The following ARHGEF3 variants were observed in gnomAD, a reference collection of about 807,000 sequenced individuals.
ARHGEF3 encodes 59.8 kDA protein.
A neutral mutation model predicts 63.2 loss-of-function variants in ARHGEF3; 28 were observed. The observed-to-expected ratio is 0.44, with a 90% CI of 0.33 to 0.61. The LOEUF (loss-of-function observed/expected upper bound fraction) is 0.61. Ranked by LOEUF, ARHGEF3 falls within the 20% of genes least tolerant of loss-of-function variation. The pLI is 0.03. For synonymous variants in ARHGEF3, 266 were observed against 254.2 expected (o/e 1.05, Z -0.44); for missense variants, 533 against 659.3 (o/e 0.81, Z 2.10).
At chr3:56,777,536 C>T (rs6445824) in intron 1 of ARHGEF3, among the ~76,000 whole-genome samples, 8 of 151,736 alleles carry the variant, frequency 5.3e-5, no homozygotes, top group African/African-American at 1.7e-4. Context: ...TTCTTCCCCT[C>T]AACAGGTAAA....
chr3:56,978,413 A>G (rs772709297), intron 2 of ARHGEF3, among the ~76,000 whole-genome samples: 6 of 152,238 alleles, frequency 3.9e-5, no homozygotes, highest in Admixed American at 6.5e-5. Context: ...TTTTGTAATA[A>G]GAAAATTTTA....
Position 56,753,495 on chromosome 3 carries a change from T to G in ARHGEF3, c.438+9A>C, listed in dbSNP as rs1457376547. The G allele has an allele frequency of 6.2e-7, 1 of 1,612,964 alleles. No individual in the cohort carries two copies. Among genetic ancestry groups the G allele is most frequent in the Non-Finnish European group, 8.5e-7 (1 of 1,179,540 alleles). On this transcript the variant is annotated intron_variant, in intron 4 of 9. Transcript: ENST00000296315. The stretch of plus-strand genomic sequence containing the variant: ...ACTTGACTCAAGTGACTGCTGGATT[T>G]AAATTTACCTTTTTTGCTAATTTCA...
chr3:56,853,564 T>C (rs1447861601), intron 4 of ARHGEF3, among the ~76,000 whole-genome samples: 1 of 152,196 alleles, frequency 6.6e-6, no homozygotes, highest in Non-Finnish European at 1.5e-5. Context: ...CTCGAACTCC[T>C]GACCTGATGA....
chr3:56,951,827 T>C (rs1395749997), intron 3 of ARHGEF3, among the ~76,000 whole-genome samples: 1 of 151,970 alleles, frequency 6.6e-6, no homozygotes, highest in African/African-American at 2.4e-5. Context: ...AATAATTTCA[T>C]ACAAAAGAAA....
rs1159985048 is a variant in ARHGEF3, at chr3:57,002,479, TTA to T, written c.62+32607_62+32608del. Among the ~76,000 whole-genome samples, 23 of 39,458 alleles carry T rather than the reference TTA, an allele frequency of 5.8e-4. 2 individuals carry two copies. Among genetic ancestry groups the T allele is most frequent in the Middle Eastern group, 0.011 (1 of 88 alleles). The allele number at this position is 39,458 out of a possible 152,430, so 25.9% of individuals were successfully genotyped here. On this transcript the variant is annotated intron_variant, in intron 2 of 12. Transcript: ENST00000338458. Reference sequence around the variant, plus strand: ...TCTAAGCACTATATATATATATATGTTATATATATATATATATGTTATATATA... The same window carrying T: ...TCTAAGCACTATATATATATATATGTTATATATATATATATGTTATATATA...
At chr3:56,928,984 G>A (rs1295854209) in intron 3 of ARHGEF3, among the ~76,000 whole-genome samples, 1 of 152,052 alleles carries the variant, frequency 6.6e-6, no homozygotes, top group Non-Finnish European at 1.5e-5. Flanking sequence ...AGGATATAGC[G>A]ACCTTGCTGC....
intron 3 of ARHGEF3, among the ~76,000 whole-genome samples, chr3:56,929,900 G>A (rs971509743): frequency 6.6e-6 from 1 of 152,128 alleles, no homozygotes; most frequent in African/African-American, 2.4e-5. Flanking sequence ...TAGATCCTCT[G>A]AGGTATAAAA....
chr3:56,916,390 T>C, intron 3 of ARHGEF3: 1 of 1,531,510 alleles, frequency 6.5e-7, no homozygotes, highest in Non-Finnish European at 8.7e-7. Flanking sequence ...CTAACTGCAG[T>C]GGAGCCCTGT....
chr3:56,750,956 T>TA (rs1291932435), intron 6 of ARHGEF3, 100 bp downstream of exon 6: 70 of 865,016 alleles, frequency 8.1e-5, no homozygotes, highest in Non-Finnish European at 4.8e-6. Flanking sequence ...CCAACATTTG[T>TA]AAAAAAATAA....
intron 2 of ARHGEF3, among the ~76,000 whole-genome samples, chr3:56,981,687 C>A (rs1317276044): frequency 6.6e-6 from 1 of 152,224 alleles, no homozygotes; most frequent in African/African-American, 2.4e-5. Flanking sequence ...TGACCACCCT[C>A]ATTTAGGGAC....
rs1303122326 is a variant in ARHGEF3, at chr3:56,728,574, T to G, written c.*696A>C. On this transcript the variant is annotated 3_prime_UTR_variant, in exon 10 of 10. Coordinates refer to ENST00000296315, the MANE Select transcript of ARHGEF3 (RefSeq NM_019555.3). The stretch of plus-strand genomic sequence containing the variant: ...CTCCTGGTGCCATGTGCATTTCAGT[T>G]AAAGATTCAGAGCTGGCAGCCGCTT... The G allele has an allele frequency of 6.5e-6, 1 of 152,674 alleles. No homozygotes were observed. Among genetic ancestry groups the G allele is most frequent in the African/African-American group, 2.4e-5 (1 of 41,450 alleles). 9.5% of individuals were successfully genotyped at this position (152,674 alleles called of 1,614,324 possible). A position where few individuals can be genotyped will look rare whatever the true frequency, so the allele number is the denominator to read the frequency against.
At chr3:56,973,056 G>A (rs1252644932) in intron 2 of ARHGEF3, among the ~76,000 whole-genome samples, 11 of 150,242 alleles carry the variant, frequency 7.3e-5, no homozygotes, top group African/African-American at 2.2e-4. Flanking sequence ...TCGCTCTGTC[G>A]CCCAGGCTGG....
intron 8 of ARHGEF3, among the ~76,000 whole-genome samples, chr3:56,734,834 CT>C (rs2107693090): frequency 6.6e-6 from 1 of 152,158 alleles, no homozygotes; most frequent in African/African-American, 2.4e-5. Flanking sequence ...AAGTTAAAGG[CT>C]TTTTGGTGTG....
chr3:57,058,347 A>G (rs1425486056), intron 1 of ARHGEF3, among the ~76,000 whole-genome samples: 2 of 152,210 alleles, frequency 1.3e-5, no homozygotes, highest in Non-Finnish European at 2.9e-5. Context: ...ACATTGGACA[A>G]AACTGTCATA....
chr3:56,913,651 T>C (rs969942057), intron 3 of ARHGEF3, among the ~76,000 whole-genome samples: 1 of 152,206 alleles, frequency 6.6e-6, no homozygotes, highest in Non-Finnish European at 1.5e-5. Context: ...CAATTCTACT[T>C]CTGGGTATAT....
chr3:56,753,440 G>A (rs535145365), intron 4 of ARHGEF3, 64 bp downstream of exon 4: 1 of 1,409,568 alleles, frequency 7.1e-7, no homozygotes, highest in African/African-American at 1.4e-5. Flanking sequence ...CCACTTTAGG[G>A]TTGTGAAATT....
intron 1 of ARHGEF3, among the ~76,000 whole-genome samples, chr3:56,785,599 C>T (rs555407584): frequency 6.6e-6 from 1 of 152,366 alleles, no homozygotes; most frequent in African/African-American, 2.4e-5. Flanking sequence ...AAAGTCCTCT[C>T]TCTTTCTCAT....
rs190574429 is a variant in ARHGEF3 at position 56,907,442 on chromosome 3, C to A, written c.130-25088G>T. Among the ~76,000 whole-genome samples the A allele has an allele frequency of 1.7e-4, 26 of 152,234 alleles. No individual in the cohort carries two copies. The East Asian group carries it at 4.8e-3, about 28-fold the overall frequency. ...CAACCATTATGGAAATCAGTGTGGCCATTCCTGAAAGACCTAAATAATAAT... is the reference window on the plus strand; with the variant it reads ...CAACCATTATGGAAATCAGTGTGGCAATTCCTGAAAGACCTAAATAATAAT... On this transcript the variant is annotated intron_variant, in intron 3 of 12. Transcript: ENST00000338458.
chr3:56,741,495 TC>T (rs2034024878), intron 7 of ARHGEF3, among the ~76,000 whole-genome samples: 3 of 127,934 alleles, frequency 2.3e-5, no homozygotes, highest in Non-Finnish European at 3.2e-5. Flanking sequence ...CTACATTGGT[TC>T]TTTTTTTTTT....
Sources: gnomAD v4.1 joint callset for allele counts (sites outside exome capture counted in the v4.1 genomes callset) on GRCh38, gnomAD v4.1.1 for gene constraint, MANE v1.5 for transcripts, NCBI Gene and HGNC (gene_info 2026-07-23, HGNC 2026-07-21) for gene names.